PHGDH: variants seen among roughly 807,000 people sequenced by gnomAD.
The protein encoded by PHGDH is phosphoglycerate dehydrogenase.
PHGDH carries 50 observed loss-of-function variants against 52.6 expected under a neutral mutation model. That is an observed-to-expected ratio of 0.95 (90% CI 0.76 to 1.20). PHGDH has a LOEUF of 1.20. Ranked by LOEUF, PHGDH falls within the 50% of genes most tolerant of loss-of-function variation. The pLI, the probability that PHGDH is intolerant of heterozygous loss-of-function variation, is 0.00. For synonymous variants in PHGDH, 271 were observed against 280.5 expected (o/e 0.97, Z 0.34); for missense variants, 630 against 684.6 (o/e 0.92, Z 0.89).
rs1340348716 is a variant in PHGDH, at chr1:119,740,497, A to G, written c.1057A>G (p.Thr353Ala). 13 of 1,587,076 alleles carry G rather than the reference A, an allele frequency of 8.2e-6. No homozygotes were observed. The highest frequency in any genetic ancestry group is 1.8e-5 in the Admixed American group (1 of 55,626). The change falls in exon 9 of 12, where the codon ACC becomes GCC. Residue 353 changes from threonine (T) to alanine (A), a missense_variant. Thr to Ala is a moderately conservative substitution (Grantham distance 58). Transcript: ENST00000641023. ...MRAWAGSPKG[T>A]IQVITQGTSL... ...AGCCTGGGCTGGGTCCCCCAAAGGG[A>G]CCATCCAGGTGATAACACAGGGTGA...
rs1265382006 is a variant in PHGDH, at chr1:119,743,983, G to A, written c.1545G>A (p.Leu515=). Residue 515 remains leucine (L), a synonymous_variant, in exon 12 of 12, where the codon CTG becomes CTA. Coordinates refer to ENST00000641023, the MANE Select transcript of PHGDH (RefSeq NM_006623.4). ...TWHVMGISSL[L]PSLEAWKQHV... ...ACGTCATGGGCATCTCCTCCTTGCT[G>A]CCCAGCCTGGAAGCGTGGAAGCAGC... 6.2e-7 allele frequency: 1 copy of A among 1,613,944 alleles called. No homozygotes were observed. The highest frequency in any genetic ancestry group is 8.5e-7 in the Non-Finnish European group (1 of 1,179,944).
In PHGDH at chr1:119,722,929, A is replaced by G. The variant is rs1402190458; in HGVS notation, c.291-447A>G. 3.3e-5 allele frequency among the ~76,000 whole-genome samples: 5 copies of G among 150,830 alleles called. No homozygotes were observed. In the East Asian group the frequency reaches 9.7e-4, roughly 29 times the overall value. On this transcript the variant is annotated intron_variant, in intron 2 of 11. Coordinates refer to ENST00000641023, the MANE Select transcript of PHGDH (RefSeq NM_006623.4). ...AAAAAAAAAAAAGCCAGGTTGGGTA[A>G]CTTGATGAAGATATGTAGGCATTGG...
intron 7 of PHGDH, 90 bp downstream of exon 7, chr1:119,735,533 A>C: frequency 3.1e-6 from 4 of 1,288,810 alleles, no homozygotes; most frequent in Non-Finnish European, 4.4e-6. Flanking sequence ...TTTTACAGAA[A>C]GCCTCTAGCT....
At chr1:119,728,135 G>T (rs1651529211) in intron 5 of PHGDH, among the ~76,000 whole-genome samples, 1 of 152,172 alleles carries the variant, frequency 6.6e-6, no homozygotes, top group Non-Finnish European at 1.5e-5. Context: ...TAGATGGGAA[G>T]TTCCCTACTG....
chr1:119,735,087 C>T (rs2101197274), intron 6 of PHGDH: 2 of 700,240 alleles, frequency 2.9e-6, no homozygotes, highest in East Asian at 5.0e-5. Flanking sequence ...TAAGATGTTT[C>T]TAAACTGAGT....
At position 119,726,871 on chromosome 1, in the gene PHGDH, C is replaced by G. The variant is rs148897319; in HGVS notation, c.377C>G (p.Ala126Gly). ...CLARQIPQAT[A>G]SMKDGKWERK... The stretch of plus-strand genomic sequence containing the variant: ...TGCAGGCAGATTCCCCAGGCGACGG[C>G]TTCGATGAAGGACGGCAAATGGGAG... The change falls in exon 4 of 12, where the codon GCT (alanine) becomes GGT (glycine). Residue 126 changes from alanine to glycine, a missense_variant. Coordinates refer to ENST00000641023, the MANE Select transcript of PHGDH (RefSeq NM_006623.4). The G allele has an allele frequency of 8.7e-6, 14 of 1,614,218 alleles. No homozygotes were observed. The Admixed American group carries it at 1.5e-4, about 17-fold the overall frequency.
intron 9 of PHGDH, among the ~76,000 whole-genome samples, chr1:119,741,105 G>GT (rs1421959224): frequency 6.6e-6 from 1 of 152,232 alleles, no homozygotes; most frequent in Non-Finnish European, 1.5e-5. Context: ...CTGCTGAGTG[G>GT]GCTGTGGCCA....
At chr1:119,719,862 A>T (rs1231951406) in intron 1 of PHGDH, 1 of 152,218 alleles carries the variant, frequency 6.6e-6, no homozygotes, top group Non-Finnish European at 1.5e-5. Flanking sequence ...TCCAGCTGAG[A>T]GCTCTACGGG....
chr1:119,729,974 G>A (rs1196133173), intron 5 of PHGDH: 1 of 152,164 alleles, frequency 6.6e-6, no homozygotes, highest in Non-Finnish European at 1.5e-5. Flanking sequence ...AACATGGCTT[G>A]GATCATTCCG....
intron 10 of PHGDH, 44 bp downstream of exon 10, chr1:119,741,941 C>T (rs1652229143): frequency 1.3e-6 from 2 of 1,536,080 alleles, no homozygotes; most frequent in Non-Finnish European, 1.8e-6. Flanking sequence ...CCTGTCAGCA[C>T]TAGTCTTCTC....
Position 119,744,046 on chromosome 1 carries a change from G to T in PHGDH, c.*6G>T, listed in dbSNP as rs1479787796. The T allele has an allele frequency of 9.3e-6, 15 of 1,613,818 alleles. No homozygotes were observed. Among genetic ancestry groups the T allele is most frequent in the Non-Finnish European group, 1.0e-5 (12 of 1,179,714 alleles). On this transcript the variant is annotated 3_prime_UTR_variant, in exon 12 of 12. Transcript: ENST00000641023. ...CCTTCCAGTTCCACTTCTAACCTTG[G>T]AGCTCACTGGTCCCTGCCTCTGGGG...
At position 119,744,024 on chromosome 1, in the gene PHGDH, TC is replaced by T; in HGVS notation, c.1588del (p.Gln530SerfsTer18). 1 of 1,614,166 alleles carries T rather than the reference TC, an allele frequency of 6.2e-7. No homozygotes were observed. On this transcript the variant is annotated frameshift_variant, in exon 12 of 12. Coordinates refer to ENST00000641023, the MANE Select transcript of PHGDH (RefSeq NM_006623.4). LOFTEE classifies it high-confidence loss of function. The part of the protein sequence containing the change: ...EAWKQHVTEA[F>X]QFHF ...TGGAAGCAGCATGTGACTGAAGCCTTCCAGTTCCACTTCTAACCTTGGAGCT... is the reference window on the plus strand; with the variant it reads ...TGGAAGCAGCATGTGACTGAAGCCTTCAGTTCCACTTCTAACCTTGGAGCT...
At chr1:119,720,972 C>A in intron 1 of PHGDH, 198 bp from the exon 2 acceptor site, 1 of 631,882 alleles carries the variant, frequency 1.6e-6, no homozygotes, top group Non-Finnish European at 2.9e-6. Context: ...CTCCTCCACT[C>A]TAAGTAAAAA....
intron 6 of PHGDH, 150 bp downstream of exon 6, chr1:119,734,916 C>T: frequency 1.2e-6 from 1 of 867,536 alleles, no homozygotes; most frequent in Non-Finnish European, 1.9e-6. Context: ...TTGTTAGACA[C>T]CCCTACGTTG....
At chr1:119,729,256 A>G (rs965979426) in intron 5 of PHGDH, among the ~76,000 whole-genome samples, 15 of 152,244 alleles carry the variant, frequency 9.9e-5, no homozygotes, top group South Asian at 2.1e-4. Context: ...GTGGGATGCC[A>G]TAAGCCACAA....
In PHGDH at chr1:119,744,198, T is replaced by TG. The variant is rs1304630429; in HGVS notation, c.*158_*159insG. 1.4e-6 allele frequency: 1 copy of TG among 720,838 alleles called. No individual in the cohort carries two copies. Among genetic ancestry groups the TG allele is most frequent in the Non-Finnish European group, 2.5e-6 (1 of 404,192 alleles). 44.7% of individuals were successfully genotyped at this position (720,838 alleles called of 1,614,324 possible). A position where few individuals can be genotyped will look rare whatever the true frequency, so the allele number is the denominator to read the frequency against. ...CTGTAGTACAGCAATAACCGTCTAATAAAGAGCCTACCCCCAACTCCTTCT... is the reference window on the plus strand; with the variant it reads ...CTGTAGTACAGCAATAACCGTCTAATGAAAGAGCCTACCCCCAACTCCTTCT... On this transcript the variant is annotated 3_prime_UTR_variant, in exon 12 of 12. Transcript: ENST00000641023.
In PHGDH at chr1:119,737,210, G is replaced by T. The variant is rs1489498331; in HGVS notation, c.889G>T (p.Glu297Ter). Residue 297 changes from glutamate to a stop codon, truncating the protein, a stop_gained, in exon 8 of 12, where the codon GAG (glutamate) becomes TAG (stop). Coordinates refer to ENST00000641023, the MANE Select transcript of PHGDH (RefSeq NM_006623.4). LOFTEE classifies it high-confidence loss of function. ...STKEAQSRCG[E>*]EIAVQFVDMV... ...CAAGGAGGCTCAGAGCCGCTGTGGG[G>T]AGGAAATTGCTGTTCAGTTCGTGGA... The T allele has an allele frequency of 2.5e-6, 4 of 1,614,194 alleles. No individual in the cohort carries two copies. The highest frequency in any genetic ancestry group is 3.4e-6 in the Non-Finnish European group (4 of 1,180,008).
intron 2 of PHGDH, 125 bp downstream of exon 2, chr1:119,721,446 C>A: frequency 2.1e-6 from 2 of 944,610 alleles, no homozygotes; most frequent in Non-Finnish European, 3.2e-6. Flanking sequence ...CAGGAGGATG[C>A]CTGGTCTAGG....
At chr1:119,717,654 T>G (rs1375862519) in intron 1 of PHGDH, among the ~76,000 whole-genome samples, 1 of 152,246 alleles carries the variant, frequency 6.6e-6, no homozygotes, top group African/African-American at 2.4e-5. Flanking sequence ...ATTTGAGTTC[T>G]GCTTTTTATT....
Sources: gnomAD v4.1 joint callset for allele counts (sites outside exome capture counted in the v4.1 genomes callset) on GRCh38, gnomAD v4.1.1 for gene constraint, MANE v1.5 for transcripts, NCBI Gene and HGNC (gene_info 2026-07-23, HGNC 2026-07-21) for gene names.